PPP2R2A: variants seen among roughly 807,000 people sequenced by gnomAD.
The protein encoded by PPP2R2A is serine/threonine-protein phosphatase 2A 55 kDa regulatory subunit B alpha isoform.
In PPP2R2A, 9 loss-of-function variants were observed where a neutral mutation model predicts 53.2. The observed-to-expected ratio is 0.17, with a 90% CI of 0.10 to 0.30. The LOEUF (loss-of-function observed/expected upper bound fraction) is 0.30. PPP2R2A is among the 10% of genes least tolerant of loss of function. The pLI is 1.00. For missense variants in PPP2R2A, 235 were observed against 534.6 expected, an observed-to-expected ratio of 0.44 and a Z score of 5.53; for synonymous variants, 169 against 174.2, an observed-to-expected ratio of 0.97 and a Z score of 0.23.
chr8:26,369,598 T>C (rs1805565766), intron 9 of PPP2R2A, among the ~76,000 whole-genome samples: 1 of 152,186 alleles, frequency 6.6e-6, no homozygotes, highest in Non-Finnish European at 1.5e-5. Flanking sequence ...TTCACCATGT[T>C]AGCCAGAATG....
At position 26,339,110 on chromosome 8, in the gene PPP2R2A, A is replaced by ATAT. The variant is rs1177998526; in HGVS notation, c.180+123_180+124insTAT. The stretch of plus-strand genomic sequence containing the variant: ...AAAGAAGTGTGTGTTTATTGAATAC[A>ATAT]ATGTCCAATATATAGACAGCTCTGG... On this transcript the variant is annotated intron_variant, in intron 3 of 9. Transcript: ENST00000380737. 4.3e-6 allele frequency: 3 copies of ATAT among 704,692 alleles called. No homozygotes were observed. In the East Asian group the frequency reaches 7.8e-5, roughly 18 times the overall value. The allele number at this position is 704,692 out of a possible 1,614,324, so 43.7% of individuals were successfully genotyped here.
intron 3 of PPP2R2A, among the ~76,000 whole-genome samples, chr8:26,350,085 C>T (rs540813655): frequency 6.6e-6 from 1 of 151,548 alleles, no homozygotes; most frequent in African/African-American, 2.4e-5. Flanking sequence ...TTTTTTGAGA[C>T]GAAGTCTTCT....
At chr8:26,339,291 A>G (rs1373382274) in intron 3 of PPP2R2A, among the ~76,000 whole-genome samples, 1 of 152,164 alleles carries the variant, frequency 6.6e-6, no homozygotes, top group African/African-American at 2.4e-5. Context: ...TTGGCCCTTC[A>G]TTATAATTTT....
chr8:26,340,151 T>C (rs1276151871), intron 3 of PPP2R2A, among the ~76,000 whole-genome samples: 1 of 152,012 alleles, frequency 6.6e-6, no homozygotes, highest in Non-Finnish European at 1.5e-5. Context: ...TTTTCTGTTT[T>C]TAAGTAGCCA....
chr8:26,311,032 A>AT (rs1220341302), intron 2 of PPP2R2A, among the ~76,000 whole-genome samples: 4 of 152,126 alleles, frequency 2.6e-5, no homozygotes, highest in Non-Finnish European at 5.9e-5. Context: ...AATGAAGTGG[A>AT]TTTTTTTCCT....
intron 4 of PPP2R2A, among the ~76,000 whole-genome samples, chr8:26,356,257 C>G (rs1804777679): frequency 6.6e-6 from 1 of 152,152 alleles, no homozygotes; most frequent in Admixed American, 6.5e-5. Context: ...AATTGATGCC[C>G]CTCGTCCACA....
chr8:26,346,102 C>G (rs1804197477), intron 3 of PPP2R2A, among the ~76,000 whole-genome samples: 2 of 147,670 alleles, frequency 1.4e-5, no homozygotes, highest in Admixed American at 1.4e-4. Context: ...CACCCATTCA[C>G]AGATTACCAG....
chr8:26,335,687 C>T (rs994086437), intron 2 of PPP2R2A, among the ~76,000 whole-genome samples: 1 of 152,160 alleles, frequency 6.6e-6, no homozygotes, highest in Non-Finnish European at 1.5e-5. Context: ...GTTTATTTCC[C>T]TCAAGGATTT....
At chr8:26,297,114 T>C (rs1585318585) in intron 2 of PPP2R2A, among the ~76,000 whole-genome samples, 1 of 151,798 alleles carries the variant, frequency 6.6e-6, no homozygotes, top group East Asian at 1.9e-4. Context: ...CAAATTCTTT[T>C]GGTGTGTGTG....
At position 26,370,031 on chromosome 8, in the gene PPP2R2A, C is replaced by G; in HGVS notation, c.1065-103C>G. 8.0e-7 allele frequency: 1 copy of G among 1,245,612 alleles called. No individual in the cohort carries two copies. The highest frequency in any genetic ancestry group is 1.1e-6 in the Non-Finnish European group (1 of 888,748). 77.2% of individuals were successfully genotyped at this position (1,245,612 alleles called of 1,614,324 possible). On this transcript the variant is annotated intron_variant, in intron 9 of 9. Coordinates refer to ENST00000380737, the MANE Select transcript of PPP2R2A (RefSeq NM_002717.4). This position sits in a 1 kb window ranked among gnomAD's most constrained non-coding sequence, Gnocchi z 6.1. ...ACAGCCCCTGTCCCTTAGTTTAAAT[C>G]TGCTTTTGAAGTAGCTTCCTATGGT...
At chr8:26,306,732 T>C (rs1802041345) in intron 2 of PPP2R2A, among the ~76,000 whole-genome samples, 1 of 152,016 alleles carries the variant, frequency 6.6e-6, no homozygotes, top group South Asian at 2.1e-4. Context: ...TAGTCCCAGC[T>C]ACTCAAGAGG....
Position 26,321,252 on chromosome 8 carries a change from C to G in PPP2R2A, c.83-17638C>G, listed in dbSNP as rs1217710251. On this transcript the variant is annotated intron_variant, in intron 2 of 9. Transcript: ENST00000380737. This position sits in a 1 kb window ranked among gnomAD's most constrained non-coding sequence, Gnocchi z 4.1. ...CCACTGGACAATTGGTTCATGTATT[C>G]TGTACTTTGAAACTGGGATTGAAAA... Among the ~76,000 whole-genome samples, 1 of 152,152 alleles carries G rather than the reference C, an allele frequency of 6.6e-6. No individual in the cohort carries two copies. The highest frequency in any genetic ancestry group is 1.5e-5 in the Non-Finnish European group (1 of 68,034).
At chr8:26,345,565 G>A (rs7007256) in intron 3 of PPP2R2A, among the ~76,000 whole-genome samples, 112,995 of 152,064 alleles carry the variant, frequency 0.74, 42,413 homozygotes, top group East Asian at 0.88. Context: ...ATGTCATTCA[G>A]TTTTCTGTAT....
intron 2 of PPP2R2A, 176 bp downstream of exon 2, chr8:26,293,916 T>C (rs1472747910): frequency 1.6e-6 from 1 of 608,794 alleles, no homozygotes; most frequent in African/African-American, 1.9e-5. Context: ...TTTCATTTGT[T>C]ATTTACGCCT....
Position 26,354,479 on chromosome 8 carries a change from G to C in PPP2R2A, c.192G>C (p.Gln64His). 1 of 1,536,934 alleles carries C rather than the reference G, an allele frequency of 6.5e-7. No individual in the cohort carries two copies. The highest frequency in any genetic ancestry group is 8.8e-7 in the Non-Finnish European group (1 of 1,140,160). The change falls in exon 4 of 10, where the codon CAG becomes CAC. Residue 64 changes from glutamine to histidine, a missense_variant. Physicochemically the swap from Gln to His is conservative, Grantham distance 24. This residue lies in a region of PPP2R2A where 51 missense variants were observed against 80.6 expected (regional missense o/e 0.63). Transcript: ENST00000380737. The surrounding 1 kb of genome is among the most constrained non-coding windows in gnomAD (Gnocchi z 4.6). ...TGTTTTCATTTTAGAACAAAATCCAGTCTCATAGCAGAGGAGAATATAATG... is the reference window on the plus strand; with the variant it reads ...TGTTTTCATTTTAGAACAAAATCCACTCTCATAGCAGAGGAGAATATAATG... The part of the protein sequence containing the change: ...IFQQEQENKI[Q>H]SHSRGEYNVY...
intron 2 of PPP2R2A, among the ~76,000 whole-genome samples, chr8:26,323,256 T>C (rs1201434296): frequency 2.0e-5 from 3 of 152,260 alleles, no homozygotes; most frequent in African/African-American, 7.2e-5. Context: ...GCTGACTATG[T>C]AGAAAACACA....
intron 2 of PPP2R2A, among the ~76,000 whole-genome samples, chr8:26,308,443 A>G (rs924411094): frequency 1.3e-5 from 2 of 152,230 alleles, no homozygotes; most frequent in Non-Finnish European, 1.5e-5. Flanking sequence ...AAGTTTATAT[A>G]ATATTCTAAA....
At chr8:26,363,194 T>C (rs1216805259) in intron 7 of PPP2R2A, 1 of 160,546 alleles carries the variant, frequency 6.2e-6, no homozygotes, top group Admixed American at 6.8e-5. Flanking sequence ...AGATTTCTTC[T>C]GAGGTTTCCT....
At chr8:26,367,419 A>G (rs1185070677) in intron 9 of PPP2R2A, among the ~76,000 whole-genome samples, 1 of 152,196 alleles carries the variant, frequency 6.6e-6, no homozygotes, top group Non-Finnish European at 1.5e-5. Flanking sequence ...TAGCAGTTTT[A>G]TGTTCTATTA....
Sources: gnomAD v4.1 joint callset for allele counts (sites outside exome capture counted in the v4.1 genomes callset) on GRCh38, gnomAD v4.1.1 for gene constraint, gnomAD v4.1.1 regional missense constraint, Gnocchi (gnomAD v3.1) non-coding constraint, MANE v1.5 for transcripts, NCBI Gene and HGNC (gene_info 2026-07-23, HGNC 2026-07-21) for gene names.